Variants in INPP4B observed in about 807,000 individuals in gnomAD.
The protein encoded by INPP4B is inositol polyphosphate 4-phosphatase type II.
Under a neutral mutation model 122.5 loss-of-function variants are expected in INPP4B, and 55 were observed. That is an observed-to-expected ratio of 0.45 (90% CI 0.36 to 0.56). INPP4B has a LOEUF of 0.56. Ranked by LOEUF, INPP4B falls within the 20% of genes least tolerant of loss-of-function variation. The pLI is 0.00. For missense variants in INPP4B, 1,000 were observed against 1,097.7 expected (o/e 0.91, Z 1.26); for synonymous variants, 403 against 388.7 (o/e 1.04, Z -0.43).
At chr4:142,836,365 T>G (rs1782770880) in intron 1 of INPP4B, among the ~76,000 whole-genome samples, 1 of 152,064 alleles carries the variant, frequency 6.6e-6, no homozygotes, top group Non-Finnish European at 1.5e-5. Flanking sequence ...TAAGCTTGTT[T>G]GATATAATTA....
chr4:142,715,705 G>A (rs1763674212), intron 2 of INPP4B, among the ~76,000 whole-genome samples: 1 of 152,208 alleles, frequency 6.6e-6, no homozygotes, highest in Non-Finnish European at 1.5e-5. Flanking sequence ...TAGGGTTGCA[G>A]TTAGCTATGA....
intron 25 of INPP4B, among the ~76,000 whole-genome samples, chr4:142,043,690 CA>C (rs1246347304): frequency 6.6e-6 from 1 of 152,096 alleles, no homozygotes; most frequent in Admixed American, 6.6e-5. Flanking sequence ...CTATTTTATA[CA>C]TTTTCTAAAA....
chr4:142,505,873 G>C (rs1476164887), intron 2 of INPP4B, among the ~76,000 whole-genome samples: 10 of 152,086 alleles, frequency 6.6e-5, no homozygotes, highest in Non-Finnish European at 1.0e-4. Context: ...CCTATACCCA[G>C]ATATTGTATT....
At chr4:142,031,061 G>A (rs893213319) in intron 25 of INPP4B, among the ~76,000 whole-genome samples, 5 of 151,894 alleles carry the variant, frequency 3.3e-5, no homozygotes, top group African/African-American at 9.7e-5. Flanking sequence ...TACTTTCTGT[G>A]TAAATAAAAA....
chr4:142,775,549 C>T lies in INPP4B; in HGVS notation c.-253-49648G>A, dbSNP rs576301668. On this transcript the variant is annotated intron_variant, in intron 1 of 25. Coordinates refer to ENST00000262992, the MANE Select transcript of INPP4B (RefSeq NM_001101669.3). ...CCCTCCCCTACTCTCCTCTTCCCTTCCTTTTAATGGAGATGGGGTCTCACT... is the reference window on the plus strand; with the variant it reads ...CCCTCCCCTACTCTCCTCTTCCCTTTCTTTTAATGGAGATGGGGTCTCACT... Among the ~76,000 whole-genome samples the T allele has an allele frequency of 4.3e-3, 537 of 123,664 alleles. 7 individuals carry two copies. The South Asian group carries it at 0.045, about 10-fold the overall frequency. The allele number at this position is 123,664 out of a possible 152,430, so 81.1% of individuals were successfully genotyped here.
intron 11 of INPP4B, among the ~76,000 whole-genome samples, chr4:142,258,319 A>C (rs927524982): frequency 2.0e-5 from 3 of 151,880 alleles, no homozygotes; most frequent in Non-Finnish European, 2.9e-5. Context: ...TAAAACACCA[A>C]AAGCAATGGC....
At chr4:142,227,895 C>T (rs369853301) in intron 12 of INPP4B, among the ~76,000 whole-genome samples, 6 of 105,662 alleles carry the variant, frequency 5.7e-5, no homozygotes, top group African/African-American at 2.1e-4. Context: ...AAAAATTAAA[C>T]AGTATGTTTC....
chr4:142,398,424 ATATATATATATATATATAT>A lies in INPP4B; in HGVS notation c.372+4495_372+4513del, dbSNP rs1396012550. Among the ~76,000 whole-genome samples the A allele has an allele frequency of 5.7e-4, 64 of 112,580 alleles. 1 individual carries two copies. In the East Asian group the frequency reaches 0.013, roughly 23 times the overall value. The allele number at this position is 112,580 out of a possible 152,430, so 73.9% of individuals were successfully genotyped here. On this transcript the variant is annotated intron_variant, in intron 7 of 25. Transcript: ENST00000262992. ...AAAATATATATATATATATATATAT[ATATATATATATATATATAT>A]ATAAAACATATTAAACATAGTGCTT...
Position 142,569,864 on chromosome 4 carries a change from A to G in INPP4B, c.-190-107138T>C, listed in dbSNP as rs574906408. Among the ~76,000 whole-genome samples, 9 of 152,172 alleles carry G rather than the reference A, an allele frequency of 5.9e-5. 1 individual carries two copies. The East Asian group carries it at 1.5e-3, about 26-fold the overall frequency. ...GATTAGATACATTAAAAATTCATAT[A>G]TTTAACAAATGCCACCTCTCATACA... On this transcript the variant is annotated intron_variant, in intron 2 of 25. Transcript: ENST00000262992.
At chr4:142,637,749 T>C (rs1020055823) in intron 2 of INPP4B, among the ~76,000 whole-genome samples, 1 of 152,196 alleles carries the variant, frequency 6.6e-6, no homozygotes, top group Non-Finnish European at 1.5e-5. Context: ...GGTAAGAGTA[T>C]CTTTAGTTTT....
At chr4:142,540,902 CACAA>C (rs1828868439) in intron 2 of INPP4B, among the ~76,000 whole-genome samples, 2 of 152,084 alleles carry the variant, frequency 1.3e-5, no homozygotes. Flanking sequence ...ATGTTCTGGC[CACAA>C]ACAAATATAT....
intron 7 of INPP4B, chr4:142,347,608 T>C (rs1780681584): frequency 2.8e-6 from 1 of 359,342 alleles, no homozygotes; most frequent in South Asian, 2.2e-5. Flanking sequence ...CTTGGAAATA[T>C]CAAAATAAAA....
chr4:142,189,071 A>G (rs980944835), intron 15 of INPP4B, among the ~76,000 whole-genome samples: 1 of 152,228 alleles, frequency 6.6e-6, no homozygotes, highest in African/African-American at 2.4e-5. Context: ...TATTTATAAT[A>G]GAGAATAAGA....
intron 2 of INPP4B, among the ~76,000 whole-genome samples, chr4:142,513,959 G>A (rs1465775587): frequency 1.3e-5 from 2 of 152,140 alleles, no homozygotes; most frequent in Non-Finnish European, 2.9e-5. Context: ...AGTGATTCCT[G>A]TTTTGGAGAA....
chr4:142,272,538 G>C (rs1746370091), intron 9 of INPP4B, among the ~76,000 whole-genome samples: 1 of 152,116 alleles, frequency 6.6e-6, no homozygotes, highest in East Asian at 1.9e-4. Context: ...TTAATATAGA[G>C]AGCAAGTATT....
chr4:142,253,527 C>G (rs1220920212), intron 11 of INPP4B, among the ~76,000 whole-genome samples: 1 of 152,214 alleles, frequency 6.6e-6, no homozygotes, highest in Non-Finnish European at 1.5e-5. Flanking sequence ...CAGGGCGAGG[C>G]ATTGCCTCAC....
At chr4:142,118,841 A>C (rs1300693188) in intron 21 of INPP4B, among the ~76,000 whole-genome samples, 1 of 152,196 alleles carries the variant, frequency 6.6e-6, no homozygotes, top group African/African-American at 2.4e-5. Flanking sequence ...AGAAACCACC[A>C]TCAGAGTGAA....
chr4:142,082,735 A>G (rs1278838787), intron 24 of INPP4B, among the ~76,000 whole-genome samples: 1 of 152,196 alleles, frequency 6.6e-6, no homozygotes, highest in African/African-American at 2.4e-5. Flanking sequence ...CATCAATACT[A>G]AAAAGGAGAA....
At chr4:142,650,570 C>T (rs6849164) in intron 2 of INPP4B, among the ~76,000 whole-genome samples, 16,511 of 151,450 alleles carry the variant, frequency 0.11, 932 homozygotes, top group South Asian at 0.15. Context: ...GGGTTGCAAT[C>T]CTAGTCTCTG....
Sources: gnomAD v4.1 joint callset for allele counts (sites outside exome capture counted in the v4.1 genomes callset) on GRCh38, gnomAD v4.1.1 for gene constraint, MANE v1.5 for transcripts, NCBI Gene and HGNC (gene_info 2026-07-23, HGNC 2026-07-21) for gene names.